Variants in PCDHA1 observed in about 807,000 individuals in gnomAD.
PCDHA1 encodes protocadherin alpha-1.
Under a neutral mutation model 61.3 loss-of-function variants are expected in PCDHA1, and 42 were observed. That is an observed-to-expected ratio of 0.69 (90% CI 0.54 to 0.89). PCDHA1 has a LOEUF of 0.89. PCDHA1 is among the 40% of genes least tolerant of loss of function. The probability of loss-of-function intolerance (pLI) is 0.00; values close to 1 mark genes in which losing one functional copy is unlikely to be tolerated. For missense variants in PCDHA1, 1,256 were observed against 1,235.3 expected (o/e 1.02, Z -0.25); for synonymous variants, 610 against 553.8 (o/e 1.10, Z -1.43).
At chr5:140,809,671 A>G (rs1554125342) in intron 1 of PCDHA1, 1 of 1,440,468 alleles carries the variant, frequency 6.9e-7, no homozygotes, top group African/African-American at 1.4e-5. Context: ...CTGGGTTAAA[A>G]TTTTACCTCT....
chr5:140,851,824 T>C (rs1336167909), intron 1 of PCDHA1: 1 of 964,578 alleles, frequency 1.0e-6, no homozygotes, highest in Non-Finnish European at 1.3e-6. Context: ...CAGAAATCTG[T>C]TTTTTTAAAA....
chr5:140,843,109 A>C (rs2150352812), intron 1 of PCDHA1: 9 of 1,595,800 alleles, frequency 5.6e-6, no homozygotes, highest in Non-Finnish European at 6.9e-6. Flanking sequence ...AGGTGCGCGC[A>C]GTGGACGCCG....
chr5:140,939,607 A>G (rs1396731179), intron 1 of PCDHA1, among the ~76,000 whole-genome samples: 2 of 152,244 alleles, frequency 1.3e-5, no homozygotes, highest in Non-Finnish European at 2.9e-5. Flanking sequence ...CAAAAACAGA[A>G]CAAGGAGACA....
At chr5:140,958,375 T>A (rs1554223446) in intron 1 of PCDHA1, among the ~76,000 whole-genome samples, 1 of 152,162 alleles carries the variant, frequency 6.6e-6, no homozygotes, top group Non-Finnish European at 1.5e-5. Flanking sequence ...AATGTTGCTA[T>A]TTTCTTAACA....
In PCDHA1 at chr5:140,807,889, T is replaced by A. The variant is rs782700290; in HGVS notation, c.2394+19205T>A. The A allele has an allele frequency of 6.8e-6, 11 of 1,613,918 alleles. No individual in the cohort carries two copies. Among genetic ancestry groups the A allele is most frequent in the Non-Finnish European group, 9.3e-6 (11 of 1,179,900 alleles). ...TTCAGTTACTCATCACAGTACTGGA[T>A]GCCAATGACAATGCCCCAGCTTTTG... On this transcript the variant is annotated intron_variant, in intron 1 of 3. Transcript: ENST00000504120.
intron 1 of PCDHA1, among the ~76,000 whole-genome samples, chr5:140,833,147 A>G (rs1412458710): frequency 2.6e-5 from 4 of 152,210 alleles, no homozygotes; most frequent in South Asian, 4.1e-4. Flanking sequence ...GTGTGAAGCA[A>G]TACGAATAAA....
chr5:140,829,182 A>G (rs2150163580), intron 1 of PCDHA1: 1 of 1,614,190 alleles, frequency 6.2e-7, no homozygotes, highest in Non-Finnish European at 8.5e-7. Context: ...GAAGACGCTC[A>G]ATTTGGTACT....
Position 140,823,885 on chromosome 5 carries a change from T to C in PCDHA1, c.2394+35201T>C, listed in dbSNP as rs2150130069. 6 of 1,613,980 alleles carry C rather than the reference T, an allele frequency of 3.7e-6. No individual in the cohort carries two copies. In the Admixed American group the frequency reaches 8.3e-5, roughly 22 times the overall value. The stretch of plus-strand genomic sequence containing the variant: ...CAACGTGTACCTGATCATCGCCATC[T>C]GTGCGGTGTCCAGCCTGCTGGTGCT... On this transcript the variant is annotated intron_variant, in intron 1 of 3. Transcript: ENST00000504120.
At chr5:140,856,916 A>G in intron 1 of PCDHA1, 1 of 1,596,314 alleles carries the variant, frequency 6.3e-7, no homozygotes, top group Middle Eastern at 1.7e-4. Flanking sequence ...CACGATAAGA[A>G]GGAAATTTTG....
chr5:140,903,884 A>C (rs1466107424), intron 1 of PCDHA1, among the ~76,000 whole-genome samples: 1 of 152,214 alleles, frequency 6.6e-6, no homozygotes, highest in Non-Finnish European at 1.5e-5. Context: ...AAGACATTGA[A>C]TCTTGACCTG....
chr5:140,788,691 C>T lies in PCDHA1; in HGVS notation c.2394+7C>T. On this transcript the variant is annotated splice_region_variant and intron_variant, in intron 1 of 3. Coordinates refer to ENST00000504120, the MANE Select transcript of PCDHA1 (RefSeq NM_018900.4). ...TTTGGATCTTTCTGGTAATGTAAGT[C>T]CAACTTTCGAGTTTTGGCTTTAAAT... 2.0e-6 allele frequency: 3 copies of T among 1,537,770 alleles called. No individual in the cohort carries two copies. Among genetic ancestry groups the T allele is most frequent in the African/African-American group, 1.4e-5 (1 of 72,250 alleles).
At position 140,999,623 on chromosome 5, in the gene PCDHA1, A is replaced by G. The variant is rs188539860; in HGVS notation, c.2543-10004A>G. ...CCTGGGGGACCTTATCAACCAGGAAACAAGGTAGAGAAAACTGTGCAGCCT... is the reference window on the plus strand; with the variant it reads ...CCTGGGGGACCTTATCAACCAGGAAGCAAGGTAGAGAAAACTGTGCAGCCT... On this transcript the variant is annotated intron_variant, in intron 3 of 3. Transcript: ENST00000504120. Among the ~76,000 whole-genome samples the G allele has an allele frequency of 1.3e-4, 20 of 152,330 alleles. No individual in the cohort carries two copies. In the East Asian group the frequency reaches 3.9e-3, roughly 29 times the overall value.
At chr5:140,848,690 G>T in intron 1 of PCDHA1, 2 of 1,592,462 alleles carry the variant, frequency 1.3e-6, no homozygotes, top group Non-Finnish European at 1.7e-6. Context: ...GCCTGTTCCA[G>T]TTGGATTCCA....
At chr5:140,838,152 C>T (rs1353802529) in intron 1 of PCDHA1, among the ~76,000 whole-genome samples, 1 of 150,110 alleles carries the variant, frequency 6.7e-6, no homozygotes, top group African/African-American at 2.5e-5. Context: ...TTTACTCTGT[C>T]GCCCTCTCTG....
rs782339436 is a variant in PCDHA1, at chr5:140,928,591, G to A, written c.2395-50358G>A. The A allele has an allele frequency of 3.1e-6, 5 of 1,614,230 alleles. No individual in the cohort carries two copies. The South Asian group carries it at 5.5e-5, about 18-fold the overall frequency. ...CTTGCCCAGAAATGGTTCTGTCCCA[G>A]TGGAAATTGTGCCCCGCTCTGCCAG... On this transcript the variant is annotated intron_variant, in intron 1 of 3. Coordinates refer to ENST00000504120, the MANE Select transcript of PCDHA1 (RefSeq NM_018900.4).
chr5:141,008,766 A>G (rs2098390228), intron 3 of PCDHA1, among the ~76,000 whole-genome samples: 1 of 152,246 alleles, frequency 6.6e-6, no homozygotes, highest in Non-Finnish European at 1.5e-5. Context: ...TTTGGCTTGG[A>G]AAGTAAAATT....
chr5:140,945,079 T>C (rs1554216701), intron 1 of PCDHA1, among the ~76,000 whole-genome samples: 1 of 152,126 alleles, frequency 6.6e-6, no homozygotes, highest in South Asian at 2.1e-4. Context: ...ACCAAAACAC[T>C]CTTGGAACTA....
chr5:140,892,952 AT>A (rs1327610333), intron 1 of PCDHA1, among the ~76,000 whole-genome samples: 1 of 152,154 alleles, frequency 6.6e-6, no homozygotes, highest in African/African-American at 2.4e-5. Context: ...TACTACTTCC[AT>A]GAGCTCAATA....
chr5:140,849,100 G>C lies in PCDHA1; in HGVS notation c.2394+60416G>C, dbSNP rs1554142751. 2.0e-6 allele frequency: 3 copies of C among 1,471,168 alleles called. No individual in the cohort carries two copies. The Admixed American group carries it at 6.2e-5, about 30-fold the overall frequency. The allele number at this position is 1,471,168 out of a possible 1,614,324, so 91.1% of individuals were successfully genotyped here. A position where few individuals can be genotyped will look rare whatever the true frequency, so the allele number is the denominator to read the frequency against. Reference sequence around the variant, plus strand: ...CTTGTATTACGGAAACTTTTAGACAGAGAAGAAACTCCGGAGCTTCATTTA... The same window carrying C: ...CTTGTATTACGGAAACTTTTAGACACAGAAGAAACTCCGGAGCTTCATTTA... On this transcript the variant is annotated intron_variant, in intron 1 of 3. Transcript: ENST00000504120.
Sources: allele counts gnomAD v4.1 joint callset (sites outside exome capture counted in the v4.1 genomes callset), GRCh38; gene constraint gnomAD v4.1.1; transcripts MANE v1.5; gene names NCBI Gene and HGNC (gene_info 2026-07-23, HGNC 2026-07-21).